The following HEXA variants were observed in gnomAD, a reference collection of about 807,000 sequenced individuals.
The protein encoded by HEXA is hexosaminidase subunit alpha.
Under a neutral mutation model 73.3 loss-of-function variants are expected in HEXA, and 54 were observed. The ratio of observed to expected loss-of-function variants is 0.74; its 90% confidence interval spans 0.59 to 0.92. The LOEUF is 0.92. HEXA is among the 40% of genes least tolerant of loss of function. The probability of loss-of-function intolerance (pLI) is 0.00; values close to 1 mark genes in which losing one functional copy is unlikely to be tolerated. For synonymous variants in HEXA, 230 were observed against 246.9 expected (o/e 0.93, Z 0.64); for missense variants, 649 against 653.0 (o/e 0.99, Z 0.07).
At chr15:72,375,088 G>A (rs976094178) in intron 1 of HEXA, among the ~76,000 whole-genome samples, 8 of 142,160 alleles carry the variant, frequency 5.6e-5, no homozygotes, top group Non-Finnish European at 1.0e-4. Context: ...TTTTGTTTGG[G>A]GGGGGGGGTT....
rs766786571 is a variant in HEXA, at chr15:72,359,786, T to TA, written c.254-3170dup. 1.8e-3 allele frequency: 249 copies of TA among 139,198 alleles called. 1 individual carries two copies. Among genetic ancestry groups the TA allele is most frequent in the African/African-American group, 5.7e-3 (217 of 37,926 alleles). 8.6% of individuals were successfully genotyped at this position (139,198 alleles called of 1,614,324 possible). A position where few individuals can be genotyped will look rare whatever the true frequency, so the allele number is the denominator to read the frequency against. On this transcript the variant is annotated intron_variant, in intron 1 of 13. Transcript: ENST00000268097. ...CCAAACAGTAGAAAATATTTACGATTAAAAAAAAAAAGTATCTTTGGTACC... is the reference window on the plus strand; with the variant it reads ...CCAAACAGTAGAAAATATTTACGATTAAAAAAAAAAAAGTATCTTTGGTACC...
chr15:72,367,234 C>T (rs559027501), intron 1 of HEXA, among the ~76,000 whole-genome samples: 5 of 152,254 alleles, frequency 3.3e-5, no homozygotes, highest in South Asian at 2.1e-4. Context: ...TGAGCCACCA[C>T]GACCACCAAT....
intron 1 of HEXA, among the ~76,000 whole-genome samples, chr15:72,366,036 G>A (rs1476399388): frequency 1.3e-5 from 2 of 152,036 alleles, no homozygotes; most frequent in Non-Finnish European, 2.9e-5. Flanking sequence ...TTGTTGTGTA[G>A]TTACTTAATT....
chr15:72,370,982 C>T (rs909766727), intron 1 of HEXA, among the ~76,000 whole-genome samples: 2 of 152,166 alleles, frequency 1.3e-5, no homozygotes, highest in African/African-American at 4.8e-5. Flanking sequence ...TTCCTCTTTG[C>T]TTTTAAAACA....
rs368349228 is a variant in HEXA, at chr15:72,347,737, A to T, written c.1095T>A (p.Ser365=). 1 of 1,614,214 alleles carries T rather than the reference A, an allele frequency of 6.2e-7. No homozygotes were observed. Among genetic ancestry groups the T allele is most frequent in the Non-Finnish European group, 8.5e-7 (1 of 1,180,024 alleles). The change falls in exon 10 of 14, where the codon TCT becomes TCA. Residue 365 remains serine, a synonymous_variant. Coordinates refer to ENST00000268097, the MANE Select transcript of HEXA (RefSeq NM_000520.6). The part of the protein sequence containing the change: ...YIQTLLDIVS[S]YGKGYVVWQE... ...GCCACACCACATAGCCCTTGCCATAAGAAGAGACGATGTCCAGCAGCCTGG... is the reference window on the plus strand; with the variant it reads ...GCCACACCACATAGCCCTTGCCATATGAAGAGACGATGTCCAGCAGCCTGG...
At chr15:72,356,798 C>T in intron 1 of HEXA, 181 bp from the exon 2 acceptor site, 1 of 852,664 alleles carries the variant, frequency 1.2e-6, no homozygotes. Flanking sequence ...TCTCGTTGTG[C>T]CCCTCTTCTC....
At position 72,355,145 on chromosome 15, in the gene HEXA, C is replaced by T. The variant is rs549746135; in HGVS notation, c.412+414G>A. 7.0e-4 allele frequency: 208 copies of T among 295,956 alleles called. 5 individuals carry two copies. Among genetic ancestry groups the T allele is most frequent in the South Asian group, 6.6e-3 (203 of 30,904 alleles). The allele number at this position is 295,956 out of a possible 1,614,324, so 18.3% of individuals were successfully genotyped here. A position where few individuals can be genotyped will look rare whatever the true frequency, so the allele number is the denominator to read the frequency against. On this transcript the variant is annotated intron_variant, in intron 3 of 13. Coordinates refer to ENST00000268097, the MANE Select transcript of HEXA (RefSeq NM_000520.6). ...CCAGAGCCCCTGACTAGGGCAGCAG[C>T]AGTTGCTGATGCTGCACAGGGTAAA...
intron 13 of HEXA, among the ~76,000 whole-genome samples, chr15:72,344,460 T>G (rs2288258): frequency 6.6e-6 from 1 of 152,054 alleles, no homozygotes; most frequent in Non-Finnish European, 1.5e-5. Context: ...CTTTAGAATA[T>G]AGATGGATGT....
intron 1 of HEXA, among the ~76,000 whole-genome samples, chr15:72,369,072 A>T (rs929543729): frequency 6.6e-6 from 1 of 152,240 alleles, no homozygotes; most frequent in African/African-American, 2.4e-5. Flanking sequence ...AACCAGCCTC[A>T]AGATGTGGAC....
rs919400005 is a variant in HEXA at position 72,364,822 on chromosome 15, T to A, written c.254-8205A>T. Among the ~76,000 whole-genome samples the A allele has an allele frequency of 2.3e-4, 34 of 149,724 alleles. No individual in the cohort carries two copies. The East Asian group carries it at 4.9e-3, about 21-fold the overall frequency. On this transcript the variant is annotated intron_variant, in intron 1 of 13. Coordinates refer to ENST00000268097, the MANE Select transcript of HEXA (RefSeq NM_000520.6). ...TTCTTTTTAAGTTTTAATTTAATTT[T>A]TTTTTTTTTTTTTTTTAGAGACAGG...
intron 1 of HEXA, among the ~76,000 whole-genome samples, chr15:72,373,886 C>T (rs1397238016): frequency 6.6e-6 from 1 of 151,874 alleles, no homozygotes; most frequent in Non-Finnish European, 1.5e-5. Context: ...GTAGTCCCAC[C>T]TACTCGGGAG....
Position 72,351,178 on chromosome 15 carries a change from A to T in HEXA, c.627T>A (p.Pro209=). ...AAGTGAAGCTCTCATATGGGAAGGA[A>T]GGATCATCTACCAGATGCCAGTGGA... ...NVFHWHLVDD[P]SFPYESFTFP... is the part of the protein sequence containing the mutation. The change falls in exon 6 of 14, where the codon CCT becomes CCA. Residue 209 remains proline (P), a synonymous_variant. Coordinates refer to ENST00000268097, the MANE Select transcript of HEXA (RefSeq NM_000520.6). 1 of 1,613,382 alleles carries T rather than the reference A, an allele frequency of 6.2e-7. No individual in the cohort carries two copies. The highest frequency in any genetic ancestry group is 8.5e-7 in the Non-Finnish European group (1 of 1,179,280).
intron 1 of HEXA, among the ~76,000 whole-genome samples, chr15:72,367,829 C>A (rs977101799): frequency 1.3e-5 from 2 of 152,178 alleles, no homozygotes; most frequent in Non-Finnish European, 2.9e-5. Flanking sequence ...ACTATCTTCA[C>A]CCCCACTAAC....
intron 1 of HEXA, chr15:72,369,920 T>A (rs952457759): frequency 4.6e-5 from 7 of 152,166 alleles, no homozygotes; most frequent in Non-Finnish European, 1.0e-4. Flanking sequence ...GGTAAGGAAC[T>A]GGGGTAGAAG....
At position 72,341,585 on chromosome 15, in the gene HEXA, T is replaced by A. The variant is rs943809221; in HGVS notation, c.*2492A>T. On this transcript the variant is annotated 3_prime_UTR_variant, in exon 14 of 14. Transcript: ENST00000268097. ...GAGCCAGGAAGTCAGTCTGGAAACT[T>A]CCCCACCCCCTGGTGGTGCACAGCA... The A allele has an allele frequency of 2.0e-5, 3 of 152,180 alleles. No homozygotes were observed. Among genetic ancestry groups the A allele is most frequent in the African/African-American group, 7.2e-5 (3 of 41,406 alleles). 9.4% of individuals were successfully genotyped at this position (152,180 alleles called of 1,614,324 possible).
At position 72,355,933 on chromosome 15, in the gene HEXA, G is replaced by A. The variant is rs1055250239; in HGVS notation, c.347-309C>T. On this transcript the variant is annotated intron_variant, in intron 2 of 13. Transcript: ENST00000268097. ...ACCTCATGGGTCAGTTTCCACAGCAGAAAGATGAAAGAAGTCTTCTCCTGG... is the reference window on the plus strand; with the variant it reads ...ACCTCATGGGTCAGTTTCCACAGCAAAAAGATGAAAGAAGTCTTCTCCTGG... 9.8e-5 allele frequency: 49 copies of A among 500,788 alleles called. No homozygotes were observed. The East Asian group carries it at 2.5e-3, about 26-fold the overall frequency. 31.0% of individuals were successfully genotyped at this position (500,788 alleles called of 1,614,324 possible). A position where few individuals can be genotyped will look rare whatever the true frequency, so the allele number is the denominator to read the frequency against.
intron 1 of HEXA, chr15:72,357,367 T>C (rs2088798898): frequency 6.4e-6 from 1 of 155,810 alleles, no homozygotes; most frequent in Admixed American, 6.2e-5. Flanking sequence ...AAACAGGTTC[T>C]CTATCCAAGG....
chr15:72,344,192 A>C, intron 13 of HEXA, 52 bp from the exon 14 acceptor site: 1 of 1,368,710 alleles, frequency 7.3e-7, no homozygotes, highest in Non-Finnish European at 1.0e-6. Context: ...AAGGGGCCCC[A>C]GCAACACTTT....
intron 10 of HEXA, among the ~76,000 whole-genome samples, chr15:72,347,291 G>C (rs2088629190): frequency 6.7e-6 from 1 of 149,588 alleles, no homozygotes; most frequent in African/African-American, 2.4e-5. Flanking sequence ...TGGTTTTTTT[G>C]AGGCAGGGTC....
Sources: gnomAD v4.1 joint callset for allele counts (sites outside exome capture counted in the v4.1 genomes callset) on GRCh38, gnomAD v4.1.1 for gene constraint, MANE v1.5 for transcripts, NCBI Gene and HGNC (gene_info 2026-07-23, HGNC 2026-07-21) for gene names.